The following TTC39B variants were observed in gnomAD, a reference collection of about 807,000 sequenced individuals.
TTC39B encodes tetratricopeptide repeat protein 39B.
A neutral mutation model predicts 96.6 loss-of-function variants in TTC39B; 92 were observed. That is an observed-to-expected ratio of 0.95 (90% CI 0.80 to 1.13). The LOEUF (loss-of-function observed/expected upper bound fraction) is 1.13, where lower values mean the gene tolerates loss of function less well. TTC39B is among the 50% of genes most tolerant of loss of function. The pLI, the probability that TTC39B is intolerant of heterozygous loss-of-function variation, is 0.00. For synonymous variants in TTC39B, 367 were observed against 299.4 expected, an observed-to-expected ratio of 1.23 and a Z score of -2.33; for missense variants, 955 against 809.3, an observed-to-expected ratio of 1.18 and a Z score of -2.18.
At chr9:15,288,606 T>C (rs1241775183) in intron 1 of TTC39B, among the ~76,000 whole-genome samples, 1 of 152,134 alleles carries the variant, frequency 6.6e-6, no homozygotes, top group African/African-American at 2.4e-5. Context: ...CCCACATTCA[T>C]CCTTCAAGTC....
intron 1 of TTC39B, among the ~76,000 whole-genome samples, chr9:15,302,606 G>C: frequency 6.7e-6 from 1 of 149,586 alleles, no homozygotes; most frequent in Non-Finnish European, 1.5e-5. Flanking sequence ...CACTTTGAGA[G>C]GCCGAGGTAG....
chr9:15,272,033 G>A (rs980380259), intron 1 of TTC39B, among the ~76,000 whole-genome samples: 1 of 152,180 alleles, frequency 6.6e-6, no homozygotes, highest in African/African-American at 2.4e-5. Context: ...GGCAGAGACT[G>A]CTCATGCATC....
At chr9:15,172,060 G>C in exon 20 of TTC39B, 9 of 1,612,906 alleles carry the variant, frequency 5.6e-6, no homozygotes, top group Non-Finnish European at 7.6e-6. Context: ...AGAGCTGCCT[G>C]AATTCTGAAG....
intron 3 of TTC39B, among the ~76,000 whole-genome samples, chr9:15,219,353 A>G (rs1324021442): frequency 1.3e-5 from 2 of 152,108 alleles, no homozygotes; most frequent in Non-Finnish European, 2.9e-5. Flanking sequence ...TAAGAACCAC[A>G]TATGCACACA....
chr9:15,257,180 A>G (rs1163133066), intron 2 of TTC39B, among the ~76,000 whole-genome samples: 1 of 152,242 alleles, frequency 6.6e-6, no homozygotes, highest in Non-Finnish European at 1.5e-5. Flanking sequence ...AGATTAAACT[A>G]TAGCTCTATA....
At chr9:15,206,340 T>G (rs563357471) in intron 6 of TTC39B, among the ~76,000 whole-genome samples, 1 of 152,324 alleles carries the variant, frequency 6.6e-6, no homozygotes, top group South Asian at 2.1e-4. Flanking sequence ...CACTCAAGGA[T>G]GTAAATGAAA....
At chr9:15,257,456 A>T (rs1017097685) in intron 2 of TTC39B, among the ~76,000 whole-genome samples, 12 of 150,166 alleles carry the variant, frequency 8.0e-5, no homozygotes, top group African/African-American at 2.2e-4. Flanking sequence ...CATATTAAAA[A>T]TTTTTTTTTT....
intron 2 of TTC39B, among the ~76,000 whole-genome samples, chr9:15,247,280 G>A (rs1822321718): frequency 6.6e-6 from 1 of 152,196 alleles, no homozygotes; most frequent in Non-Finnish European, 1.5e-5. Flanking sequence ...TAAGATCAGT[G>A]GGTAGGAGGC....
chr9:15,169,154 G>A (rs1817582989), exon 20 of TTC39B: 1 of 152,072 alleles, frequency 6.6e-6, no homozygotes, highest in Non-Finnish European at 1.5e-5. Context: ...AATCTTCCTC[G>A]GCACTGATTA....
chr9:15,191,158 C>G (rs759059942), intron 10 of TTC39B, 32 bp downstream of exon 10: 10 of 1,460,394 alleles, frequency 6.8e-6, no homozygotes, highest in Non-Finnish European at 9.6e-6. Context: ...CTTATCTTCC[C>G]TGTCAAAATT....
At chr9:15,257,122 G>A (rs1053184842) in intron 2 of TTC39B, among the ~76,000 whole-genome samples, 15 of 152,152 alleles carry the variant, frequency 9.9e-5, no homozygotes, top group African/African-American at 3.1e-4. Flanking sequence ...TTTAAAAAGC[G>A]ACCTTTGCAA....
intron 9 of TTC39B, among the ~76,000 whole-genome samples, 186 bp from the exon 10 acceptor site, chr9:15,191,441 AC>A (rs1237085537): frequency 6.6e-6 from 1 of 152,228 alleles, no homozygotes; most frequent in Non-Finnish European, 1.5e-5. Flanking sequence ...TTTAGCTAAG[AC>A]AAGGAACCTT....
At chr9:15,278,494 T>C (rs1823632864) in intron 1 of TTC39B, among the ~76,000 whole-genome samples, 1 of 152,220 alleles carries the variant, frequency 6.6e-6, no homozygotes, top group Non-Finnish European at 1.5e-5. Flanking sequence ...ATTTACTATG[T>C]CAAGCATATC....
chr9:15,264,753 T>G (rs1823068136), intron 2 of TTC39B, among the ~76,000 whole-genome samples: 1 of 146,522 alleles, frequency 6.8e-6, no homozygotes, highest in South Asian at 2.1e-4. Context: ...ATATATCTTA[T>G]AACATCATGT....
intron 1 of TTC39B, among the ~76,000 whole-genome samples, chr9:15,281,753 T>G (rs1271880978): frequency 2.0e-5 from 3 of 151,456 alleles, no homozygotes; most frequent in South Asian, 4.2e-4. Flanking sequence ...CTAGGCTCAC[T>G]GCAATCTCCG....
chr9:15,252,508 C>A (rs1361576915), intron 2 of TTC39B, among the ~76,000 whole-genome samples: 1 of 152,056 alleles, frequency 6.6e-6, no homozygotes, highest in African/African-American at 2.4e-5. Flanking sequence ...ATTAGCCGGC[C>A]GTGGTGGCTT....
chr9:15,249,600 A>G (rs1428065523), intron 2 of TTC39B: 1 of 162,644 alleles, frequency 6.1e-6, no homozygotes, highest in Non-Finnish European at 1.3e-5. Context: ...CACACCTTGC[A>G]GCAGCAATAA....
intron 2 of TTC39B, chr9:15,249,787 G>A (rs1412021727): frequency 6.0e-6 from 4 of 664,124 alleles, no homozygotes; most frequent in African/African-American, 5.9e-5. Context: ...AACAAAAACT[G>A]CAGGTTCCAG....
chr9:15,281,971 C>A (rs1318888569), intron 1 of TTC39B, among the ~76,000 whole-genome samples: 3 of 152,182 alleles, frequency 2.0e-5, no homozygotes, highest in African/African-American at 7.2e-5. Context: ...AGCCACCACA[C>A]ACAGACTTAC....
Sources: allele counts gnomAD v4.1 joint callset (sites outside exome capture counted in the v4.1 genomes callset), GRCh38; gene constraint gnomAD v4.1.1; transcripts MANE v1.5; gene names NCBI Gene and HGNC (gene_info 2026-07-23, HGNC 2026-07-21).